The following MTMR10 variants were observed in gnomAD, a reference collection of about 807,000 sequenced individuals.
The protein encoded by MTMR10 is myotubularin-related protein 10.
A neutral mutation model predicts 88.1 loss-of-function variants in MTMR10; 56 were observed. The observed-to-expected ratio is 0.64, with a 90% CI of 0.51 to 0.79. The LOEUF is 0.79. MTMR10 is among the 30% of genes least tolerant of loss of function. MTMR10 has a pLI of 0.00. For synonymous variants in MTMR10, 380 were observed against 340.9 expected, an observed-to-expected ratio of 1.11 and a Z score of -1.26; for missense variants, 883 against 924.7, an observed-to-expected ratio of 0.95 and a Z score of 0.58.
the MTMR10 span, among the ~76,000 whole-genome samples, chr15:30,930,149 C>T: frequency 6.6e-6 from 1 of 150,998 alleles, no homozygotes; most frequent in Non-Finnish European, 1.5e-5. Flanking sequence ...CCTTTGCCAC[C>T]CCTGAGTTGA....
chr15:30,920,585 G>A, the MTMR10 span: 1 of 1,611,868 alleles, frequency 6.2e-7, no homozygotes, highest in Non-Finnish European at 8.5e-7. Context: ...GTGTTTCACT[G>A]TTGGGTGGAT....
intron 14 of MTMR10, chr15:30,943,655 G>A (rs1321241945): frequency 4.1e-6 from 4 of 985,318 alleles, no homozygotes; most frequent in African/African-American, 3.5e-5. Flanking sequence ...CATGTACACA[G>A]GAGACCCCTC....
At chr15:30,943,374 G>C in intron 14 of MTMR10, 5 of 984,756 alleles carry the variant, frequency 5.1e-6, no homozygotes, top group Non-Finnish European at 6.0e-6. Flanking sequence ...CATGATACTA[G>C]AAAGTCTTAA....
chr15:30,925,370 GT>G, the MTMR10 span: 1 of 1,310,330 alleles, frequency 7.6e-7, no homozygotes, highest in Non-Finnish European at 1.1e-6. Context: ...CCTAAGAGCT[GT>G]TTTGAGTGTG....
At chr15:30,929,429 C>A in the MTMR10 span, 1 of 1,560,938 alleles carries the variant, frequency 6.4e-7, no homozygotes, top group Non-Finnish European at 8.7e-7. Context: ...AGGATTTGCT[C>A]AGAAAGTTAA....
At position 30,961,105 on chromosome 15, in the gene MTMR10, C is replaced by G. The variant is rs371446836; in HGVS notation, c.566-32G>C. On this transcript the variant is annotated intron_variant, in intron 6 of 15. Transcript: ENST00000435680. ...GAAAAAGCAACATTATGAATTTTAA[C>G]AGTCACATTTTCCCCAGCATTCCCT... 3.9e-6 allele frequency: 6 copies of G among 1,525,272 alleles called. No homozygotes were observed. The African/African-American group carries it at 5.5e-5, about 14-fold the overall frequency. 94.5% of individuals were successfully genotyped at this position (1,525,272 alleles called of 1,614,324 possible).
the MTMR10 span, chr15:30,929,487 T>A: frequency 1.1e-6 from 1 of 870,170 alleles, no homozygotes; most frequent in Admixed American, 2.8e-5. Flanking sequence ...AATACACATG[T>A]GTGTATATGT....
Position 30,941,999 on chromosome 15 carries a change from A to G in MTMR10, c.1805T>C (p.Leu602Pro). The G allele has an allele frequency of 2.5e-6, 4 of 1,614,030 alleles. No homozygotes were observed. The highest frequency in any genetic ancestry group is 2.5e-6 in the Non-Finnish European group (3 of 1,179,896). Residue 602 changes from leucine to proline, a missense_variant, in exon 16 of 16, where the codon CTT (leucine) becomes CCT (proline). Physicochemically the swap from Leu to Pro is moderately conservative, Grantham distance 98. Coordinates refer to ENST00000435680, the MANE Select transcript of MTMR10 (RefSeq NM_017762.3). Reference protein sequence around the residue: ...KNGIISDQELLPRRNSLILKP... With the variant: ...KNGIISDQELPPRRNSLILKP... ...TAATATCAATGAATTTCTCCTTGGAAGTAATTCTTGGTCACTGATGATTCC... is the reference window on the plus strand; with the variant it reads ...TAATATCAATGAATTTCTCCTTGGAGGTAATTCTTGGTCACTGATGATTCC...
At chr15:30,920,931 G>GC in the MTMR10 span, among the ~76,000 whole-genome samples, 2 of 152,132 alleles carry the variant, frequency 1.3e-5, no homozygotes, top group Non-Finnish European at 1.5e-5. Context: ...CTACAGGCGT[G>GC]CGCCACCATG....
At chr15:30,951,513 ATT>A (rs34631331) in intron 12 of MTMR10, among the ~76,000 whole-genome samples, 1 of 151,002 alleles carries the variant, frequency 6.6e-6, no homozygotes, top group African/African-American at 2.4e-5. Flanking sequence ...GTTTTTATTT[ATT>A]TTTTTTTTGA....
At chr15:30,987,880 A>ACCCCCCCCCCCCC (rs2031049958) in intron 2 of MTMR10, among the ~76,000 whole-genome samples, 1 of 139,038 alleles carries the variant, frequency 7.2e-6, no homozygotes, top group African/African-American at 2.7e-5. Flanking sequence ...CACCCCCAAC[A>ACCCCCCCCCCCCC]CCCCCGACAG....
chr15:30,924,757 G>T, the MTMR10 span, among the ~76,000 whole-genome samples: 1 of 151,982 alleles, frequency 6.6e-6, no homozygotes, highest in Non-Finnish European at 1.5e-5. Context: ...GATCCGGGGT[G>T]GGACACATGT....
At chr15:30,960,249 C>A (rs2063383174) in intron 7 of MTMR10, among the ~76,000 whole-genome samples, 1 of 142,356 alleles carries the variant, frequency 7.0e-6, no homozygotes, top group Admixed American at 7.3e-5. Flanking sequence ...TCTAAGCCCA[C>A]TGGTCGTCAG....
intron 2 of MTMR10, among the ~76,000 whole-genome samples, chr15:30,988,249 G>A (rs1312731118): frequency 1.3e-5 from 2 of 152,146 alleles, no homozygotes; most frequent in African/African-American, 4.8e-5. Flanking sequence ...AGGAAGGCCA[G>A]AATGAGAGGG....
intron 8 of MTMR10, 35 bp from the exon 9 acceptor site, chr15:30,958,986 A>G: frequency 1.2e-6 from 2 of 1,613,650 alleles, no homozygotes; most frequent in South Asian, 1.1e-5. Flanking sequence ...TTCACTGTGT[A>G]GAAACAATGG....
rs983684737 is a variant in MTMR10 at position 30,942,963 on chromosome 15, T to C, written c.1658A>G (p.His553Arg). ...GCTCTTTCCAATGTAGAAGGGGTTA[T>C]GGAAAAGGGTGCGATCCTTTGCTGT... is the stretch of plus-strand genomic sequence containing the variant. ...QFTAKDRTLF[H>R]NPFYIGKSTP... is the part of the protein sequence containing the mutation. The change falls in exon 15 of 16, where the codon CAT becomes CGT. Residue 553 changes from histidine to arginine, a missense_variant. Transcript: ENST00000435680. The C allele has an allele frequency of 6.4e-7, 1 of 1,559,466 alleles. No homozygotes were observed. The highest frequency in any genetic ancestry group is 8.7e-7 in the Non-Finnish European group (1 of 1,150,012).
intron 2 of MTMR10, among the ~76,000 whole-genome samples, chr15:30,986,031 AGGGGGCTGGGTGTGGTGGCTCAC>A: frequency 6.6e-6 from 1 of 152,240 alleles, no homozygotes; most frequent in South Asian, 2.1e-4. Flanking sequence ...GGATGGTGGA[AGGGGGCTGGGTGTGGTGGCTCAC>A]GGCTATAATC....
intron 2 of MTMR10, among the ~76,000 whole-genome samples, chr15:30,982,176 C>T (rs2030626274): frequency 6.6e-6 from 1 of 152,070 alleles, no homozygotes; most frequent in Non-Finnish European, 1.5e-5. Flanking sequence ...CAGACTGAGA[C>T]ATTGAGAATA....
rs1436170456 is a variant in MTMR10, at chr15:30,990,798, GT to G, written c.99del (p.Lys33AsnfsTer13). 5 of 1,609,942 alleles carry G rather than the reference GT, an allele frequency of 3.1e-6. No homozygotes were observed. Among genetic ancestry groups the G allele is most frequent in the African/African-American group, 2.7e-5 (2 of 74,886 alleles). ...DKINSEPKIK[K>X]LEPVLLPGEI... ...TTACCTGGCAAAAGGACTGGCTCCA[GT>G]TTTTTAATCTTCGGTTCCGAATTGA... On this transcript the variant is annotated frameshift_variant, in exon 2 of 16. Coordinates refer to ENST00000435680, the MANE Select transcript of MTMR10 (RefSeq NM_017762.3). LOFTEE classifies it high-confidence loss of function.
Sources: gnomAD v4.1 joint callset for allele counts (sites outside exome capture counted in the v4.1 genomes callset) on GRCh38, gnomAD v4.1.1 for gene constraint, MANE v1.5 for transcripts, NCBI Gene and HGNC (gene_info 2026-07-23, HGNC 2026-07-21) for gene names.